Variants in SEM1 observed in about 807,000 individuals in gnomAD.
The protein encoded by SEM1 is SEM1 26S proteasome subunit, also known as 26S proteasome complex subunit SEM1.
In SEM1, 3 loss-of-function variants were observed where a neutral mutation model predicts 12.7. The ratio of observed to expected loss-of-function variants is 0.24; its 90% CI spans 0.11 to 0.61. The LOEUF (loss-of-function observed/expected upper bound fraction) is 0.61. Among genes scored for constraint, SEM1 ranks in the 20% least tolerant of loss-of-function variants. SEM1 has a pLI of 0.88. For missense variants in SEM1, 59 were observed against 81.3 expected (o/e 0.73, Z 1.06); for synonymous variants, 30 against 27.8 (o/e 1.08, Z -0.25).
At chr7:96,610,334 G>T (rs1372045874) in intron 2 of SEM1, among the ~76,000 whole-genome samples, 1 of 152,076 alleles carries the variant, frequency 6.6e-6, no homozygotes, top group Non-Finnish European at 1.5e-5. Context: ...CCCGACCTCA[G>T]GTGATCCGCC....
chr7:96,489,857 T>A (rs899764387), intron 1 of SEM1, among the ~76,000 whole-genome samples: 5 of 152,208 alleles, frequency 3.3e-5, no homozygotes, highest in Non-Finnish European at 5.9e-5. Context: ...TCTTTTCATA[T>A]GGATGACAAT....
intron 2 of SEM1, among the ~76,000 whole-genome samples, chr7:96,523,991 C>G (rs1804366403): frequency 6.6e-6 from 1 of 152,110 alleles, no homozygotes; most frequent in East Asian, 1.9e-4. Flanking sequence ...ATATGCTTCA[C>G]CTCTGTCCCC....
chr7:96,650,682 G>GCACACACA (rs112166466), intron 2 of SEM1, among the ~76,000 whole-genome samples: 2 of 151,436 alleles, frequency 1.3e-5, no homozygotes, highest in African/African-American at 4.9e-5. Flanking sequence ...ACACAGATGC[G>GCACACACA]CGCACACACA....
chr7:96,531,164 G>T (rs1428730306), intron 2 of SEM1, among the ~76,000 whole-genome samples: 1 of 152,022 alleles, frequency 6.6e-6, no homozygotes, highest in Non-Finnish European at 1.5e-5. Context: ...AAACATGAAA[G>T]CACTCTGAAA....
At chr7:96,632,348 T>A (rs1436040377) in intron 2 of SEM1, among the ~76,000 whole-genome samples, 1 of 152,098 alleles carries the variant, frequency 6.6e-6, no homozygotes, top group Non-Finnish European at 1.5e-5. Flanking sequence ...ATGTGGCACA[T>A]ATACACCATG....
At chr7:96,491,656 G>A (rs1361114062) in intron 1 of SEM1, among the ~76,000 whole-genome samples, 1 of 152,148 alleles carries the variant, frequency 6.6e-6, no homozygotes, top group Non-Finnish European at 1.5e-5. Flanking sequence ...TTTAGACTTT[G>A]CGTAAAGAAA....
chr7:96,709,728 C>A lies in SEM1; in HGVS notation c.36G>T (p.Leu12=), dbSNP rs1254487615. Reference sequence around the variant, plus strand: ...CTTCAAACTCGTCGTCTTCCTCTAACAGACCTAAGTCTACCGGCTGCTTTT... The same window carrying A: ...CTTCAAACTCGTCGTCTTCCTCTAAAAGACCTAAGTCTACCGGCTGCTTTT... ...SEKKQPVDLG[L]LEEDDEFEEF... is the part of the protein sequence containing the mutation. The change falls in exon 1 of 3, where the codon CTG becomes CTT. Residue 12 remains leucine, a synonymous_variant. Transcript: ENST00000248566. 1 of 1,613,948 alleles carries A rather than the reference C, an allele frequency of 6.2e-7. No homozygotes were observed. Among genetic ancestry groups the A allele is most frequent in the Non-Finnish European group, 8.5e-7 (1 of 1,179,962 alleles).
Position 96,602,051 on chromosome 7 carries a change from A to G in SEM1, c.170+92747T>C, listed in dbSNP as rs75325807. On this transcript the variant is annotated intron_variant and NMD_transcript_variant, in intron 2 of 3. Coordinates refer to the SEM1 transcript ENST00000466986. Reference sequence around the variant, plus strand: ...AGAAACTTTTGCAGGAAAGATCAGGAGTTCAGTTTCACCATGTTACATTAA... The same window carrying G: ...AGAAACTTTTGCAGGAAAGATCAGGGGTTCAGTTTCACCATGTTACATTAA... Among the ~76,000 whole-genome samples, 1,030 of 152,286 alleles carry G rather than the reference A, an allele frequency of 6.8e-3. 4 individuals are homozygous for G. The highest frequency in any genetic ancestry group is 0.01 in the Non-Finnish European group (711 of 68,012).
intron 2 of SEM1, among the ~76,000 whole-genome samples, chr7:96,511,450 GGAGA>G (rs1365176088): frequency 1.3e-5 from 2 of 152,120 alleles, no homozygotes; most frequent in South Asian, 2.1e-4. Flanking sequence ...CACTGAACGA[GGAGA>G]GAGTGTGAGA....
chr7:96,550,943 C>CTAA (rs1310783734), intron 2 of SEM1, among the ~76,000 whole-genome samples: 1 of 152,142 alleles, frequency 6.6e-6, no homozygotes, highest in African/African-American at 2.4e-5. Flanking sequence ...AACCCTTGCA[C>CTAA]TAATATTCAT....
At chr7:96,603,885 GT>G (rs5885973) in intron 2 of SEM1, among the ~76,000 whole-genome samples, 140,783 of 148,100 alleles carry the variant, frequency 0.95, 67,195 homozygotes, top group South Asian at 1. Flanking sequence ...TTACAGGATA[GT>G]TTTTTTTTTT....
At chr7:96,623,359 A>C (rs1474295223) in intron 2 of SEM1, among the ~76,000 whole-genome samples, 1 of 151,822 alleles carries the variant, frequency 6.6e-6, no homozygotes, top group Non-Finnish European at 1.5e-5. Context: ...TCACCTTCAT[A>C]ATTGCATAAC....
At chr7:96,657,946 C>A (rs556879907) in intron 2 of SEM1, among the ~76,000 whole-genome samples, 1 of 152,230 alleles carries the variant, frequency 6.6e-6, no homozygotes, top group African/African-American at 2.4e-5. Context: ...GGTCATGGAC[C>A]GGCAGGACTG....
At chr7:96,518,424 A>G (rs1010445292) in intron 2 of SEM1, among the ~76,000 whole-genome samples, 1 of 152,180 alleles carries the variant, frequency 6.6e-6, no homozygotes, top group Non-Finnish European at 1.5e-5. Flanking sequence ...TAATGTTGTC[A>G]TTAAGTCAAG....
chr7:96,619,558 C>T (rs760840216), downstream of SEM1, among the ~76,000 whole-genome samples: 121 of 152,074 alleles, frequency 8.0e-4, no homozygotes, highest in Admixed American at 2.0e-3. Context: ...TTCTAGAGGG[C>T]TTCTTCTTAG....
At chr7:96,550,794 T>A (rs1805244960) in intron 2 of SEM1, among the ~76,000 whole-genome samples, 1 of 152,026 alleles carries the variant, frequency 6.6e-6, no homozygotes, top group South Asian at 2.1e-4. Context: ...GTCTGAGGAG[T>A]GTGACACACG....
chr7:96,695,028 C>T (rs984360950), intron 1 of SEM1, 137 bp from the exon 2 acceptor site: 4 of 582,746 alleles, frequency 6.9e-6, no homozygotes, highest in African/African-American at 5.6e-5. Context: ...TGGTATCTTC[C>T]TTAAATCTGA....
At chr7:96,516,866 A>T (rs911740524) in intron 2 of SEM1, among the ~76,000 whole-genome samples, 1 of 152,166 alleles carries the variant, frequency 6.6e-6, no homozygotes, top group Non-Finnish European at 1.5e-5. Context: ...TGTGTTGTGT[A>T]AAGACAATGG....
chr7:96,593,115 T>G (rs2116146659), intron 2 of SEM1, among the ~76,000 whole-genome samples: 1 of 152,026 alleles, frequency 6.6e-6, no homozygotes, highest in South Asian at 2.1e-4. Context: ...AATCTGAATA[T>G]CTGCGAGAGA....
Sources: allele counts gnomAD v4.1 joint callset (sites outside exome capture counted in the v4.1 genomes callset), GRCh38; gene constraint gnomAD v4.1.1; transcripts MANE v1.5; gene names NCBI Gene and HGNC (gene_info 2026-07-23, HGNC 2026-07-21).